Variants in EIF4G3 observed in about 807,000 individuals in gnomAD.
The protein encoded by EIF4G3 is eIF-4-gamma 3.
EIF4G3 carries 34 observed loss-of-function variants against 186.4 expected under a neutral mutation model. The observed-to-expected ratio is 0.18, with a 90% CI of 0.14 to 0.24. The LOEUF (loss-of-function observed/expected upper bound fraction) is 0.24, where lower values mean the gene tolerates loss of function less well. Ranked by LOEUF, EIF4G3 falls within the 10% of genes least tolerant of loss-of-function variation. The pLI is 1.00. For synonymous variants in EIF4G3, 673 were observed against 679.5 expected, an observed-to-expected ratio of 0.99 and a Z score of 0.15; for missense variants, 1,536 against 1,948.5, an observed-to-expected ratio of 0.79 and a Z score of 3.99.
chr1:21,024,524 CTT>C (rs1177775370), intron 4 of EIF4G3, among the ~76,000 whole-genome samples: 1 of 151,080 alleles, frequency 6.6e-6, no homozygotes, highest in East Asian at 1.9e-4. Context: ...ACATGGGAGA[CTT>C]TTCATTTTGT....
chr1:21,006,650 G>A (rs956655277), intron 4 of EIF4G3, among the ~76,000 whole-genome samples: 1 of 152,164 alleles, frequency 6.6e-6, no homozygotes, highest in African/African-American at 2.4e-5. Flanking sequence ...AAGCCAATGA[G>A]AACAGTCCTT....
intron 4 of EIF4G3, among the ~76,000 whole-genome samples, chr1:21,013,754 G>A (rs2087932099): frequency 6.6e-6 from 1 of 152,154 alleles, no homozygotes; most frequent in Non-Finnish European, 1.5e-5. Flanking sequence ...CACAGAAAAG[G>A]TCAACAAGAC....
At chr1:21,059,335 G>A (rs1400166778) in intron 3 of EIF4G3, among the ~76,000 whole-genome samples, 2 of 152,108 alleles carry the variant, frequency 1.3e-5, no homozygotes, top group African/African-American at 4.8e-5. Flanking sequence ...GAATAGATAA[G>A]TCAAGTATTT....
intron 4 of EIF4G3, among the ~76,000 whole-genome samples, chr1:21,034,432 A>G (rs1425336533): frequency 6.6e-6 from 1 of 152,232 alleles, no homozygotes; most frequent in African/African-American, 2.4e-5. Context: ...ATATTTAATG[A>G]GCAGTACTCT....
chr1:21,089,292 A>C, intron 2 of EIF4G3, 79 bp from the exon 3 acceptor site: 1 of 694,528 alleles, frequency 1.4e-6, no homozygotes, highest in Non-Finnish European at 2.7e-6. Context: ...ACAAAATTCC[A>C]CCAACGACCT....
intron 2 of EIF4G3, among the ~76,000 whole-genome samples, chr1:21,134,238 C>A (rs2097200854): frequency 6.6e-6 from 1 of 152,138 alleles, no homozygotes; most frequent in African/African-American, 2.4e-5. Flanking sequence ...AATGTTGGAG[C>A]TAAGTTCAGA....
chr1:20,810,685 T>A lies in EIF4G3; in HGVS notation c.4744+53A>T. The A allele has an allele frequency of 6.3e-7, 1 of 1,587,692 alleles. No homozygotes were observed. Among genetic ancestry groups the A allele is most frequent in the South Asian group, 1.1e-5 (1 of 90,152 alleles). ...CCCTAAATCATCTCTAAGTCCTGGCTTGGATAAATCTCACTCATTGGTTAG... is the reference window on the plus strand; with the variant it reads ...CCCTAAATCATCTCTAAGTCCTGGCATGGATAAATCTCACTCATTGGTTAG... On this transcript the variant is annotated intron_variant, in intron 36 of 36. Coordinates refer to ENST00000602326, the MANE Select transcript of EIF4G3 (RefSeq NM_001391906.1). This position sits in a 1 kb window ranked among gnomAD's most constrained non-coding sequence, Gnocchi z 4.1.
At chr1:20,874,650 T>G (rs1572036189) in intron 20 of EIF4G3, among the ~76,000 whole-genome samples, 2 of 152,292 alleles carry the variant, frequency 1.3e-5, no homozygotes, top group East Asian at 3.9e-4. Context: ...CAGATACTCC[T>G]AGGTTGTGGT....
At chr1:21,063,570 C>T (rs1365688241) in intron 3 of EIF4G3, among the ~76,000 whole-genome samples, 2 of 151,326 alleles carry the variant, frequency 1.3e-5, no homozygotes, top group Non-Finnish European at 2.9e-5. Context: ...GAAAGCAGGA[C>T]AGAAATCGGT....
chr1:21,055,371 A>G (rs1306597844), intron 3 of EIF4G3, among the ~76,000 whole-genome samples: 1 of 152,150 alleles, frequency 6.6e-6, no homozygotes. Context: ...TTATTCTGAT[A>G]AAAATTAAAT....
At chr1:20,982,437 G>C (rs768239752) in intron 7 of EIF4G3, 29 bp from the exon 8 acceptor site, 7 of 1,519,628 alleles carry the variant, frequency 4.6e-6, no homozygotes, top group South Asian at 1.2e-5. Flanking sequence ...AAAGCAGCAG[G>C]AAACAGAAAG....
At chr1:20,838,775 G>A (rs1223323492) in intron 30 of EIF4G3, among the ~76,000 whole-genome samples, 2 of 152,044 alleles carry the variant, frequency 1.3e-5, no homozygotes, top group Non-Finnish European at 2.9e-5. Context: ...GGACCTCCCA[G>A]GTGCAATCCT....
chr1:20,818,928 T>A (rs996331442), intron 33 of EIF4G3, among the ~76,000 whole-genome samples: 2 of 152,144 alleles, frequency 1.3e-5, no homozygotes, highest in Admixed American at 1.3e-4. Context: ...TATTTCCCAA[T>A]AAGGTTTTAT....
Position 21,076,730 on chromosome 1 carries a change from A to G in EIF4G3, c.-196+12408T>C, listed in dbSNP as rs1186701518. 2.0e-5 allele frequency among the ~76,000 whole-genome samples: 3 copies of G among 152,172 alleles called. No homozygotes were observed. In the East Asian group the frequency reaches 5.8e-4, roughly 29 times the overall value. ...CAATCAACAGTGCTGGGAAAACTGG[A>G]TATCTACATGCAGAGAAATGAAACT... On this transcript the variant is annotated intron_variant, in intron 3 of 36. Coordinates refer to ENST00000602326, the MANE Select transcript of EIF4G3 (RefSeq NM_001391906.1).
At chr1:20,929,005 T>C (rs755442118) in intron 14 of EIF4G3, among the ~76,000 whole-genome samples, 11 of 152,230 alleles carry the variant, frequency 7.2e-5, no homozygotes, top group Non-Finnish European at 1.5e-4. Context: ...TTTGTGACTT[T>C]TTTCACTTAG....
intron 3 of EIF4G3, among the ~76,000 whole-genome samples, chr1:21,087,823 C>T (rs1006957389): frequency 6.6e-6 from 1 of 151,750 alleles, no homozygotes; most frequent in Non-Finnish European, 1.5e-5. Context: ...TTAGTAGAGA[C>T]GGGGTTTCAC....
At chr1:21,019,016 C>A (rs1396735162) in intron 4 of EIF4G3, among the ~76,000 whole-genome samples, 2 of 151,424 alleles carry the variant, frequency 1.3e-5, no homozygotes, top group East Asian at 3.9e-4. Context: ...TATTTTACCA[C>A]AACTGAAAAA....
chr1:21,068,375 T>TCAAAAAAAAAAAAAA (rs1219542911), intron 3 of EIF4G3, among the ~76,000 whole-genome samples: 1 of 67,824 alleles, frequency 1.5e-5, no homozygotes, highest in Non-Finnish European at 2.9e-5. Flanking sequence ...ACTCTGTCTT[T>TCAAAAAAAAAAAAAA]AAAAAAAAAA....
chr1:21,043,584 G>C (rs2093695444), intron 4 of EIF4G3, among the ~76,000 whole-genome samples: 1 of 152,112 alleles, frequency 6.6e-6, no homozygotes, highest in African/African-American at 2.4e-5. Flanking sequence ...GTAAGTTACA[G>C]GACTGCATAA....
Sources: allele counts gnomAD v4.1 joint callset (sites outside exome capture counted in the v4.1 genomes callset), GRCh38; gene constraint gnomAD v4.1.1; non-coding constraint Gnocchi (gnomAD v3.1); transcripts MANE v1.5; gene names NCBI Gene and HGNC (gene_info 2026-07-23, HGNC 2026-07-21).